Variants in PTPRQ observed in about 807,000 individuals in gnomAD.
PTPRQ encodes the protein protein tyrosine phosphatase receptor type Q.
A neutral mutation model predicts 246.0 loss-of-function variants in PTPRQ; 199 were observed. The observed-to-expected ratio is 0.81, with a 90% CI of 0.72 to 0.91. The LOEUF (loss-of-function observed/expected upper bound fraction) is 0.91, where lower values mean the gene tolerates loss of function less well. Among genes scored for constraint, PTPRQ ranks in the 40% least tolerant of loss-of-function variants. PTPRQ has a pLI of 0.00. For synonymous variants in PTPRQ, 869 were observed against 853.2 expected, an observed-to-expected ratio of 1.02 and a Z score of -0.32; for missense variants, 2,624 against 2,528.4, an observed-to-expected ratio of 1.04 and a Z score of -0.81.
At chr12:80,582,098 C>T (rs1445935865) in intron 25 of PTPRQ, among the ~76,000 whole-genome samples, 1 of 152,198 alleles carries the variant, frequency 6.6e-6, no homozygotes, top group Non-Finnish European at 1.5e-5. Context: ...TTGTACATTA[C>T]AGCTTGTTTA....
Position 80,636,609 on chromosome 12 carries a change from A to G in PTPRQ, c.5915+1536A>G, listed in dbSNP as rs541344361. ...ACAAGGGAAAAAATTCAAATCTCTC[A>G]ATGCAATTAATTTTAGCTATTTGAA... On this transcript the variant is annotated intron_variant, in intron 35 of 44. Coordinates refer to ENST00000644991, the MANE Select transcript of PTPRQ (RefSeq NM_001145026.2). Among the ~76,000 whole-genome samples the G allele has an allele frequency of 2.6e-5, 4 of 152,264 alleles. No individual in the cohort carries two copies. The South Asian group carries it at 8.3e-4, about 32-fold the overall frequency.
intron 35 of PTPRQ, among the ~76,000 whole-genome samples, chr12:80,644,079 T>C (rs1403751871): frequency 2.0e-5 from 3 of 152,210 alleles, no homozygotes; most frequent in Non-Finnish European, 4.4e-5. Flanking sequence ...TTTAATTCCC[T>C]ATAGATTTCA....
At chr12:80,677,152 T>C (rs1901170877) in intron 43 of PTPRQ, among the ~76,000 whole-genome samples, 1 of 152,150 alleles carries the variant, frequency 6.6e-6, no homozygotes, top group African/African-American at 2.4e-5. Context: ...AGTCAGAAGT[T>C]TCACATATCA....
In PTPRQ at chr12:80,510,342, A is replaced by G. The variant is rs776761464; in HGVS notation, c.2577A>G (p.Gln859=). ...TTACAGCTCCTGATTCTCCCCCTCA[A>G]GACTTCTCTGTAAAACAGTTGTCTG... The part of the protein sequence containing the change: ...TEEDAPDSPP[Q]DFSVKQLSGV... Residue 859 remains glutamine, a synonymous_variant, in exon 17 of 45, where the codon CAA becomes CAG. Transcript: ENST00000644991. 1 of 1,548,818 alleles carries G rather than the reference A, an allele frequency of 6.5e-7. No individual in the cohort carries two copies. The highest frequency in any genetic ancestry group is 8.7e-7 in the Non-Finnish European group (1 of 1,145,406).
chr12:80,567,245 A>T (rs1897005565), intron 25 of PTPRQ, among the ~76,000 whole-genome samples: 1 of 152,236 alleles, frequency 6.6e-6, no homozygotes, highest in Non-Finnish European at 1.5e-5. Context: ...ATTATCTAGA[A>T]AGTATGAGTG....
rs114079609 is a variant in PTPRQ at position 80,469,932 on chromosome 12, A to C, written c.1039+1094A>C. ...GATCACATGCTTTCAGTATGGTGGA[A>C]CATGTGGGGTAAATACATGATTGAA... On this transcript the variant is annotated intron_variant, in intron 7 of 44. Coordinates refer to ENST00000644991, the MANE Select transcript of PTPRQ (RefSeq NM_001145026.2). Among the ~76,000 whole-genome samples the C allele has an allele frequency of 5.9e-3, 893 of 152,326 alleles. 8 individuals carry two copies. Among genetic ancestry groups the C allele is most frequent in the African/African-American group, 0.018 (757 of 41,588 alleles).
intron 3 of PTPRQ, 78 bp downstream of exon 3, chr12:80,445,795 G>T: frequency 1.0e-6 from 1 of 985,856 alleles, no homozygotes; most frequent in South Asian, 1.4e-5. Flanking sequence ...TTCTCACCTT[G>T]TCAAGCCTTT....
intron 25 of PTPRQ, among the ~76,000 whole-genome samples, chr12:80,572,263 G>A (rs1415755965): frequency 6.6e-6 from 1 of 151,990 alleles, no homozygotes; most frequent in Non-Finnish European, 1.5e-5. Flanking sequence ...TTATTTGCAT[G>A]TATTTAATTT....
chr12:80,495,475 G>A, intron 12 of PTPRQ, 104 bp downstream of exon 12: 6 of 1,327,486 alleles, frequency 4.5e-6, no homozygotes, highest in Non-Finnish European at 5.9e-6. Flanking sequence ...CAGAACACAT[G>A]CTATGTCACT....
Position 80,484,563 on chromosome 12 carries a change from A to C in PTPRQ, c.1317A>C (p.Thr439=). ...GAGTGAAAGTGCTAGTTCCAGAGAC[A>C]GGAATAATTTTGGAAAATACTTTGC... ...QYRVKVLVPE[T]GIILENTLLT... Residue 439 remains threonine, a synonymous_variant, in exon 9 of 45, where the codon ACA becomes ACC. Coordinates refer to ENST00000644991, the MANE Select transcript of PTPRQ (RefSeq NM_001145026.2). The C allele has an allele frequency of 6.5e-7, 1 of 1,550,292 alleles. No individual in the cohort carries two copies. Among genetic ancestry groups the C allele is most frequent in the Non-Finnish European group, 8.7e-7 (1 of 1,146,632 alleles).
In PTPRQ at chr12:80,679,689, G is replaced by T. The variant is rs1373649107; in HGVS notation, c.*666G>T. The stretch of plus-strand genomic sequence containing the variant: ...TAAAAGAAAAATTAAAAGTGCAATT[G>T]CACACATGAAATTACAGAGTACCAT... On this transcript the variant is annotated 3_prime_UTR_variant, in exon 45 of 45. Coordinates refer to ENST00000644991, the MANE Select transcript of PTPRQ (RefSeq NM_001145026.2). The T allele has an allele frequency of 6.6e-6, 1 of 151,908 alleles. No homozygotes were observed. Among genetic ancestry groups the T allele is most frequent in the East Asian group, 1.9e-4 (1 of 5,162 alleles). The allele number at this position is 151,908 out of a possible 1,614,324, so 9.4% of individuals were successfully genotyped here.
chr12:80,642,935 A>AACAAAC (rs1219644427), intron 35 of PTPRQ, among the ~76,000 whole-genome samples: 7 of 145,560 alleles, frequency 4.8e-5, no homozygotes, highest in African/African-American at 1.9e-4. Context: ...AAAAAAAAAA[A>AACAAAC]AAAAAAAAAA....
chr12:80,663,606 G>T (rs981198943), intron 39 of PTPRQ, among the ~76,000 whole-genome samples: 2 of 151,756 alleles, frequency 1.3e-5, no homozygotes, highest in East Asian at 1.9e-4. Flanking sequence ...TTCACTCCGG[G>T]ATCACTGCTT....
intron 43 of PTPRQ, among the ~76,000 whole-genome samples, chr12:80,673,522 G>A (rs1257485188): frequency 1.3e-5 from 2 of 151,968 alleles, no homozygotes; most frequent in South Asian, 2.1e-4. Flanking sequence ...TGTTACTGAT[G>A]GCTCATCTTA....
chr12:80,650,077 C>T (rs891621875), intron 37 of PTPRQ, among the ~76,000 whole-genome samples: 5 of 151,896 alleles, frequency 3.3e-5, no homozygotes, highest in African/African-American at 7.3e-5. Flanking sequence ...TTTCATTTTA[C>T]GTTTACCTAC....
intron 8 of PTPRQ, among the ~76,000 whole-genome samples, chr12:80,481,240 A>G (rs976770139): frequency 1.3e-5 from 2 of 152,212 alleles, no homozygotes; most frequent in Non-Finnish European, 2.9e-5. Flanking sequence ...CAATAAACAT[A>G]ATCCAGCATA....
chr12:80,494,796 C>T (rs1894557405), intron 10 of PTPRQ, 137 bp from the exon 11 acceptor site: 1 of 768,106 alleles, frequency 1.3e-6, no homozygotes, highest in African/African-American at 1.8e-5. Context: ...ACACACCTAA[C>T]TTTAATAGAG....
intron 15 of PTPRQ, 141 bp from the exon 16 acceptor site, chr12:80,506,428 G>C (rs757442116): frequency 1.2e-6 from 1 of 808,396 alleles, no homozygotes; most frequent in Non-Finnish European, 1.9e-6. Flanking sequence ...ATAAATAAGA[G>C]CTACTATTGC....
chr12:80,631,344 CT>C (rs1899426688), intron 33 of PTPRQ, among the ~76,000 whole-genome samples: 1 of 151,800 alleles, frequency 6.6e-6, no homozygotes, highest in Admixed American at 6.6e-5. Flanking sequence ...CACATGTGGC[CT>C]CCGAATTGAA....
Sources: allele counts gnomAD v4.1 joint callset (sites outside exome capture counted in the v4.1 genomes callset), GRCh38; gene constraint gnomAD v4.1.1; transcripts MANE v1.5; gene names NCBI Gene and HGNC (gene_info 2026-07-23, HGNC 2026-07-21).